Variants in GPM6A observed in about 807,000 individuals in gnomAD.
GPM6A encodes glycoprotein M6A.
A neutral mutation model predicts 32.1 loss-of-function variants in GPM6A; 7 were observed. That is an observed-to-expected ratio of 0.22 (90% CI 0.12 to 0.41). The LOEUF is 0.41. GPM6A is among the 10% of genes least tolerant of loss of function. The pLI is 1.00. For synonymous variants in GPM6A, 130 were observed against 123.4 expected (o/e 1.05, Z -0.35); for missense variants, 235 against 347.2 (o/e 0.68, Z 2.57).
intron 1 of GPM6A, among the ~76,000 whole-genome samples, chr4:175,898,909 C>T (rs1737872829): frequency 6.6e-6 from 1 of 152,182 alleles, no homozygotes; most frequent in Non-Finnish European, 1.5e-5. Flanking sequence ...ATTTGTTCAA[C>T]ACCTAAGAGT....
At position 175,962,247 on chromosome 4, in the gene GPM6A, T is replaced by C. The variant is rs554278638; in HGVS notation, c.-23+40062A>G. 1.2e-5 allele frequency: 16 copies of C among 1,354,974 alleles called. No homozygotes were observed. The Admixed American group carries it at 2.5e-4, about 22-fold the overall frequency. The allele number at this position is 1,354,974 out of a possible 1,614,324, so 83.9% of individuals were successfully genotyped here. A position where few individuals can be genotyped will look rare whatever the true frequency, so the allele number is the denominator to read the frequency against. On this transcript the variant is annotated intron_variant, in intron 1 of 7. Transcript: ENST00000280187. ...GGAACAAGAGAACATTGACCTCCTATATGTCATTGAAAACTCAAATGCCTT... is the reference window on the plus strand; with the variant it reads ...GGAACAAGAGAACATTGACCTCCTACATGTCATTGAAAACTCAAATGCCTT...
chr4:175,727,172 C>T (rs566026841), intron 1 of GPM6A, among the ~76,000 whole-genome samples: 52 of 152,194 alleles, frequency 3.4e-4, no homozygotes, highest in Non-Finnish European at 6.5e-4. Context: ...ATTATGTCAT[C>T]GGTATTACCA....
At chr4:175,950,127 T>C (rs1739757261) in intron 1 of GPM6A, among the ~76,000 whole-genome samples, 1 of 152,182 alleles carries the variant, frequency 6.6e-6, no homozygotes, top group Non-Finnish European at 1.5e-5. Context: ...GAAACAAAAT[T>C]ATATACACTT....
intron 6 of GPM6A, among the ~76,000 whole-genome samples, chr4:175,636,942 A>G (rs1174486095): frequency 7.9e-6 from 1 of 126,980 alleles, no homozygotes; most frequent in Non-Finnish European, 1.7e-5. Context: ...TCATGCATAT[A>G]TATATATATA....
chr4:175,979,366 G>A (rs1001296170), intron 1 of GPM6A, among the ~76,000 whole-genome samples: 1 of 152,138 alleles, frequency 6.6e-6, no homozygotes, highest in Non-Finnish European at 1.5e-5. Flanking sequence ...CAATTATTCC[G>A]TTCTTAAGTT....
At chr4:175,933,702 C>T (rs866545497) in intron 1 of GPM6A, among the ~76,000 whole-genome samples, 1 of 152,104 alleles carries the variant, frequency 6.6e-6, no homozygotes, top group South Asian at 2.1e-4. Context: ...GCCACCATGC[C>T]CGGCTAATTT....
chr4:175,997,082 T>C (rs1414333932), intron 1 of GPM6A, among the ~76,000 whole-genome samples: 1 of 152,062 alleles, frequency 6.6e-6, no homozygotes, highest in Non-Finnish European at 1.5e-5. Context: ...CTGCCAGCTA[T>C]ATATATGTGA....
intron 1 of GPM6A, among the ~76,000 whole-genome samples, chr4:175,883,483 A>G (rs1737347379): frequency 6.6e-6 from 1 of 152,164 alleles, no homozygotes; most frequent in South Asian, 2.1e-4. Flanking sequence ...TAAGCATTTT[A>G]TACTTATAGC....
chr4:175,781,236 A>G (rs965058895), intron 1 of GPM6A: 6 of 152,186 alleles, frequency 3.9e-5, no homozygotes, highest in African/African-American at 1.2e-4. Flanking sequence ...ATACAAGCAC[A>G]CAAATGCTTC....
At chr4:175,741,711 T>A (rs1213325637) in intron 1 of GPM6A, among the ~76,000 whole-genome samples, 2 of 152,156 alleles carry the variant, frequency 1.3e-5, no homozygotes, top group African/African-American at 4.8e-5. Flanking sequence ...CCAGGATATA[T>A]GTCTCATTTA....
intron 1 of GPM6A, among the ~76,000 whole-genome samples, chr4:175,855,683 T>C (rs1736394591): frequency 6.6e-6 from 1 of 152,206 alleles, no homozygotes; most frequent in Non-Finnish European, 1.5e-5. Flanking sequence ...TTGAGGCTTC[T>C]CACTATTGGA....
At chr4:175,685,062 G>T (rs981886957) in intron 2 of GPM6A, among the ~76,000 whole-genome samples, 3 of 151,814 alleles carry the variant, frequency 2.0e-5, no homozygotes, top group Admixed American at 6.6e-5. Flanking sequence ...TAATTTTTTT[G>T]TATTTTTTAG....
intron 1 of GPM6A, among the ~76,000 whole-genome samples, chr4:175,737,858 T>A (rs1283601416): frequency 6.6e-6 from 1 of 151,906 alleles, no homozygotes; most frequent in African/African-American, 2.4e-5. Context: ...AATTCACCAA[T>A]TACTTGGAGA....
chr4:175,833,888 G>A (rs1475151322), intron 1 of GPM6A, among the ~76,000 whole-genome samples: 1 of 152,138 alleles, frequency 6.6e-6, no homozygotes, highest in Non-Finnish European at 1.5e-5. Flanking sequence ...ACATGAGTCA[G>A]TAAGATTGAG....
chr4:175,795,489 C>T (rs1734183449), intron 1 of GPM6A, among the ~76,000 whole-genome samples: 1 of 152,052 alleles, frequency 6.6e-6, no homozygotes, highest in Non-Finnish European at 1.5e-5. Flanking sequence ...GTGGTTCATG[C>T]CTATAATCTC....
At chr4:175,771,495 T>C (rs1168328027) in intron 1 of GPM6A, among the ~76,000 whole-genome samples, 2 of 138,104 alleles carry the variant, frequency 1.4e-5, no homozygotes, top group Non-Finnish European at 3.0e-5. Flanking sequence ...CACTTGAACC[T>C]GGGAGGCAGA....
In GPM6A at chr4:175,640,762, T is replaced by C. The variant is rs1018864857; in HGVS notation, c.609A>G (p.Glu203=). Residue 203 remains glutamate (E), a synonymous_variant, in exon 5 of 7, where the codon GAA becomes GAG. Coordinates refer to ENST00000393658, the MANE Select transcript of GPM6A (RefSeq NM_201591.3). ...CTGTAAAAACACTCACCTCAGTAGA[T>C]TCGCACATCCTCAAGAAATTCTCAG... The part of the protein sequence containing the change: ...TVSENFLRMC[E]STELNMTFHL... 3 of 1,605,116 alleles carry C rather than the reference T, an allele frequency of 1.9e-6. No homozygotes were observed. The highest frequency in any genetic ancestry group is 2.6e-6 in the Non-Finnish European group (3 of 1,172,422).
At chr4:175,980,301 G>A (rs941633075) in intron 1 of GPM6A, among the ~76,000 whole-genome samples, 3 of 152,156 alleles carry the variant, frequency 2.0e-5, no homozygotes, top group Non-Finnish European at 4.4e-5. Flanking sequence ...AGATTGCAGT[G>A]AGCCCAGATC....
At chr4:175,945,048 A>C (rs1739544711) in intron 1 of GPM6A, among the ~76,000 whole-genome samples, 1 of 152,204 alleles carries the variant, frequency 6.6e-6, no homozygotes, top group African/African-American at 2.4e-5. Flanking sequence ...AGGTTTAAAA[A>C]GTAAGCCTTT....
Sources: gnomAD v4.1 joint callset for allele counts (sites outside exome capture counted in the v4.1 genomes callset) on GRCh38, gnomAD v4.1.1 for gene constraint, MANE v1.5 for transcripts, NCBI Gene and HGNC (gene_info 2026-07-23, HGNC 2026-07-21) for gene names.